The following GALNTL6 variants were observed in gnomAD, a reference collection of about 807,000 sequenced individuals.
GALNTL6 encodes polypeptide N-acetylgalactosaminyltransferase-like 6.
A neutral mutation model predicts 73.7 loss-of-function variants in GALNTL6; 46 were observed. That is an observed-to-expected ratio of 0.62 (90% confidence interval 0.49 to 0.80). The LOEUF is 0.80. Ranked by LOEUF, GALNTL6 falls within the 30% of genes least tolerant of loss-of-function variation. GALNTL6 has a pLI of 0.00. For synonymous variants in GALNTL6, 259 were observed against 263.7 expected, an observed-to-expected ratio of 0.98 and a Z score of 0.17; for missense variants, 604 against 755.0, an observed-to-expected ratio of 0.80 and a Z score of 2.34.
rs572170774 is a variant in GALNTL6 at position 172,633,153 on chromosome 4, T to G, written c.554-176208T>G. Among the ~76,000 whole-genome samples the G allele has an allele frequency of 9.9e-5, 15 of 152,226 alleles. No homozygotes were observed. The East Asian group carries it at 2.9e-3, about 29-fold the overall frequency. On this transcript the variant is annotated intron_variant, in intron 5 of 12. Transcript: ENST00000506823. ...CCACACAGAGTCCCCACTGAAGAAC[T>G]GCCTACTAGAACTCTGAAAAGAGGG...
intron 7 of GALNTL6, among the ~76,000 whole-genome samples, chr4:172,832,751 G>A (rs895304308): frequency 2.6e-5 from 4 of 152,124 alleles, no homozygotes; most frequent in Non-Finnish European, 2.9e-5. Context: ...ACTGGGCCGC[G>A]GTCTTGAATA....
rs922953094 is a variant in GALNTL6, at chr4:171,944,129, A to T, written c.138+129411A>T. Reference sequence around the variant, plus strand: ...AAAAATAAGTATATCTTTTCATTATAAAAAAAAGCATCCAAACACTTTAAT... The same window carrying T: ...AAAAATAAGTATATCTTTTCATTATTAAAAAAAGCATCCAAACACTTTAAT... On this transcript the variant is annotated intron_variant, in intron 2 of 12. Coordinates refer to ENST00000506823, the MANE Select transcript of GALNTL6 (RefSeq NM_001034845.3). 4.0e-5 allele frequency among the ~76,000 whole-genome samples: 6 copies of T among 151,786 alleles called. No individual in the cohort carries two copies. In the East Asian group the frequency reaches 7.7e-4, roughly 20 times the overall value.
chr4:172,853,410 C>G (rs1579567952), intron 7 of GALNTL6, among the ~76,000 whole-genome samples: 1 of 152,306 alleles, frequency 6.6e-6, no homozygotes, highest in Non-Finnish European at 1.5e-5. Context: ...TACCTCCTAT[C>G]AACATCACTG....
At chr4:172,374,114 T>G (rs4501184) in intron 5 of GALNTL6, among the ~76,000 whole-genome samples, 122,865 of 151,662 alleles carry the variant, frequency 0.81, 50,502 homozygotes, top group Non-Finnish European at 0.88. Context: ...ACATGGACGA[T>G]GGGGCAGCTT....
At chr4:173,005,527 TA>T (rs57911713) in intron 10 of GALNTL6, among the ~76,000 whole-genome samples, 1 of 141,522 alleles carries the variant, frequency 7.1e-6, no homozygotes, top group Non-Finnish European at 1.6e-5. Flanking sequence ...TGTCTACATT[TA>T]AAAAAAATAT....
intron 2 of GALNTL6, among the ~76,000 whole-genome samples, chr4:171,883,055 T>C (rs1443792379): frequency 6.6e-6 from 1 of 152,132 alleles, no homozygotes; most frequent in African/African-American, 2.4e-5. Context: ...GATAAGCTTT[T>C]AAAATACATT....
intron 5 of GALNTL6, among the ~76,000 whole-genome samples, chr4:172,719,843 C>T (rs1735354064): frequency 6.6e-6 from 1 of 152,138 alleles, no homozygotes; most frequent in Non-Finnish European, 1.5e-5. Context: ...GGGCTGCTGG[C>T]TGCCCGTTTT....
At chr4:172,951,001 A>G (rs1749416403) in intron 9 of GALNTL6, among the ~76,000 whole-genome samples, 1 of 152,226 alleles carries the variant, frequency 6.6e-6, no homozygotes, top group Non-Finnish European at 1.5e-5. Context: ...GTTTAGCACC[A>G]TAGAGCCTGA....
chr4:172,309,513 G>A (rs1435255200), intron 3 of GALNTL6, among the ~76,000 whole-genome samples: 1 of 151,904 alleles, frequency 6.6e-6, no homozygotes, highest in Admixed American at 6.6e-5. Flanking sequence ...CATATTATTA[G>A]ACACTCAAGC....
At position 172,510,021 on chromosome 4, in the gene GALNTL6, T is replaced by C. The variant is rs1478520862; in HGVS notation, c.553+161332T>C. Among the ~76,000 whole-genome samples the C allele has an allele frequency of 1.1e-4, 6 of 54,950 alleles. 3 individuals are homozygous for C. Among genetic ancestry groups the C allele is most frequent in the African/African-American group, 2.7e-4 (6 of 21,994 alleles). The allele number at this position is 54,950 out of a possible 152,430, so 36.0% of individuals were successfully genotyped here. A position where few individuals can be genotyped will look rare whatever the true frequency, so the allele number is the denominator to read the frequency against. Reference sequence around the variant, plus strand: ...ATGGGAATTGCATTGAATTTGTAGATCCCGTTTGGCAGTATGGTCCTTTTC... The same window carrying C: ...ATGGGAATTGCATTGAATTTGTAGACCCCGTTTGGCAGTATGGTCCTTTTC... On this transcript the variant is annotated intron_variant, in intron 5 of 12. Coordinates refer to ENST00000506823, the MANE Select transcript of GALNTL6 (RefSeq NM_001034845.3).
chr4:172,023,274 T>C (rs1317176851), intron 2 of GALNTL6, among the ~76,000 whole-genome samples: 1 of 151,828 alleles, frequency 6.6e-6, no homozygotes, highest in East Asian at 1.9e-4. Flanking sequence ...TATATATATA[T>C]ATTTGTCAAA....
chr4:172,293,055 GAA>G (rs1169287684), intron 3 of GALNTL6, among the ~76,000 whole-genome samples: 4 of 152,064 alleles, frequency 2.6e-5, no homozygotes, highest in Non-Finnish European at 5.9e-5. Context: ...TATTTAAAAG[GAA>G]AATTACATAT....
intron 2 of GALNTL6, among the ~76,000 whole-genome samples, chr4:172,144,837 C>CA (rs1331504274): frequency 6.6e-5 from 10 of 152,140 alleles, no homozygotes; most frequent in Middle Eastern, 3.2e-3. Flanking sequence ...ACCTACTATG[C>CA]AAATTACATG....
Position 172,809,278 on chromosome 4 carries a change from T to A in GALNTL6, c.554-83T>A. 9.2e-7 allele frequency: 1 copy of A among 1,082,092 alleles called. No homozygotes were observed. Among genetic ancestry groups the A allele is most frequent in the Non-Finnish European group, 1.4e-6 (1 of 718,792 alleles). 67.0% of individuals were successfully genotyped at this position (1,082,092 alleles called of 1,614,324 possible). On this transcript the variant is annotated intron_variant, in intron 5 of 12. Coordinates refer to ENST00000506823, the MANE Select transcript of GALNTL6 (RefSeq NM_001034845.3). The surrounding 1 kb of genome is among the most constrained non-coding windows in gnomAD (Gnocchi z 4.4). ...ACCCCAGGATTCATCAGTCACATAC[T>A]CTCTATGCACAAACAACCGTGAATA...
At chr4:171,845,573 A>G (rs1735347198) in intron 2 of GALNTL6, among the ~76,000 whole-genome samples, 1 of 152,166 alleles carries the variant, frequency 6.6e-6, no homozygotes, top group African/African-American at 2.4e-5. Flanking sequence ...CATAAGTCAT[A>G]TATCTCATTC....
intron 8 of GALNTL6, among the ~76,000 whole-genome samples, chr4:172,915,431 A>C (rs1428783906): frequency 6.6e-6 from 1 of 152,348 alleles, no homozygotes; most frequent in Non-Finnish European, 1.5e-5. Context: ...GACACAAAAA[A>C]ACCTTCAAAA....
At chr4:172,769,126 A>G (rs573910910) in intron 5 of GALNTL6, among the ~76,000 whole-genome samples, 20 of 152,252 alleles carry the variant, frequency 1.3e-4, no homozygotes, top group African/African-American at 4.8e-4. Context: ...ATCCAAATGT[A>G]TTTTGGAAAC....
At chr4:172,060,297 C>T (rs111900240) in intron 2 of GALNTL6, among the ~76,000 whole-genome samples, 7 of 152,200 alleles carry the variant, frequency 4.6e-5, no homozygotes, top group East Asian at 3.9e-4. Flanking sequence ...CATGTTTACA[C>T]ATACATATAC....
intron 5 of GALNTL6, among the ~76,000 whole-genome samples, chr4:172,678,199 C>G (rs960308550): frequency 6.6e-6 from 1 of 152,198 alleles, no homozygotes; most frequent in African/African-American, 2.4e-5. Context: ...GGACTGTTTT[C>G]CAGGGTAGTC....
Sources: allele counts gnomAD v4.1 joint callset (sites outside exome capture counted in the v4.1 genomes callset), GRCh38; gene constraint gnomAD v4.1.1; non-coding constraint Gnocchi (gnomAD v3.1); transcripts MANE v1.5; gene names NCBI Gene and HGNC (gene_info 2026-07-23, HGNC 2026-07-21).